LARP4B: variants seen among roughly 807,000 people sequenced by gnomAD.
LARP4B encodes La ribonucleoprotein 4B, also known as la-related protein 4B.
In LARP4B, 12 loss-of-function variants were observed where a neutral mutation model predicts 89.8. That is an observed-to-expected ratio of 0.13 (90% CI 0.09 to 0.22). The LOEUF (loss-of-function observed/expected upper bound fraction) is 0.22, where lower values mean the gene tolerates loss of function less well. Among genes scored for constraint, LARP4B ranks in the 10% least tolerant of loss-of-function variants. LARP4B has a pLI of 1.00. For synonymous variants in LARP4B, 367 were observed against 363.3 expected, an observed-to-expected ratio of 1.01 and a Z score of -0.12; for missense variants, 757 against 947.7, an observed-to-expected ratio of 0.80 and a Z score of 2.64.
intron 1 of LARP4B, among the ~76,000 whole-genome samples, chr10:907,097 T>C (rs1459914571): frequency 6.6e-6 from 1 of 152,194 alleles, no homozygotes; most frequent in Admixed American, 6.5e-5. Flanking sequence ...CCTGCAAACC[T>C]TTACACCCAG....
chr10:889,824 C>T (rs556034301), intron 1 of LARP4B, among the ~76,000 whole-genome samples: 1 of 152,236 alleles, frequency 6.6e-6, no homozygotes, highest in South Asian at 2.1e-4. Flanking sequence ...TGCCTGTAAT[C>T]CCAGCTACTC....
At chr10:876,569 A>G (rs1835461324) in intron 3 of LARP4B, among the ~76,000 whole-genome samples, 1 of 152,156 alleles carries the variant, frequency 6.6e-6, no homozygotes, top group Non-Finnish European at 1.5e-5. Flanking sequence ...TTGGCTCCCC[A>G]GGGCCTCAAG....
chr10:821,050 T>G, intron 13 of LARP4B: 1 of 571,992 alleles, frequency 1.7e-6, no homozygotes, highest in Non-Finnish European at 3.1e-6. Context: ...GGGACTAACG[T>G]GGAAGTCCAG....
rs2131593328 is a variant in LARP4B at position 814,467 on chromosome 10, G to A, written c.1929+275C>T. ...GATCCTAAAGTCTATGGAGAAACAG[G>A]AGCTGGGGTCTTGTTACTACTCAAG... is the stretch of plus-strand genomic sequence containing the variant. On this transcript the variant is annotated intron_variant, in intron 17 of 17. Transcript: ENST00000316157. The surrounding 1 kb of genome is among the most constrained non-coding windows in gnomAD (Gnocchi z 4.4). 1 of 520,686 alleles carries A rather than the reference G, an allele frequency of 1.9e-6. No individual in the cohort carries two copies. Among genetic ancestry groups the A allele is most frequent in the Admixed American group, 3.3e-5 (1 of 30,354 alleles). The allele number at this position is 520,686 out of a possible 1,614,324, so 32.3% of individuals were successfully genotyped here. A position where few individuals can be genotyped will look rare whatever the true frequency, so the allele number is the denominator to read the frequency against.
chr10:955,069 C>T, the LARP4B span, among the ~76,000 whole-genome samples: 1 of 139,772 alleles, frequency 7.2e-6, no homozygotes, highest in African/African-American at 2.7e-5. The surrounding 1 kb of genome is among the most constrained non-coding windows in gnomAD (Gnocchi z 5.2). Context: ...TTCCCCAGGA[C>T]AGCTCCCATC....
At chr10:873,486 G>T (rs1835326492) in intron 3 of LARP4B, 1 of 899,028 alleles carries the variant, frequency 1.1e-6, no homozygotes. Context: ...TCAGGCTTCT[G>T]GTTTTTCTAC....
Position 814,469 on chromosome 10 carries a change from G to T in LARP4B, c.1929+273C>A. 1.9e-6 allele frequency: 1 copy of T among 526,336 alleles called. No individual in the cohort carries two copies. Among genetic ancestry groups the T allele is most frequent in the Non-Finnish European group, 3.4e-6 (1 of 289,996 alleles). The allele number at this position is 526,336 out of a possible 1,614,324, so 32.6% of individuals were successfully genotyped here. On this transcript the variant is annotated intron_variant, in intron 17 of 17. Transcript: ENST00000316157. This position sits in a 1 kb window ranked among gnomAD's most constrained non-coding sequence, Gnocchi z 4.4. Reference sequence around the variant, plus strand: ...TCCTAAAGTCTATGGAGAAACAGGAGCTGGGGTCTTGTTACTACTCAAGAA... The same window carrying T: ...TCCTAAAGTCTATGGAGAAACAGGATCTGGGGTCTTGTTACTACTCAAGAA...
At chr10:831,498 C>G (rs917575765) in intron 8 of LARP4B, among the ~76,000 whole-genome samples, 5 of 152,246 alleles carry the variant, frequency 3.3e-5, no homozygotes, top group African/African-American at 9.6e-5. Flanking sequence ...GTGCCTGGGC[C>G]GCAGAGCCGG....
intron 1 of LARP4B, among the ~76,000 whole-genome samples, chr10:902,306 T>G (rs1191358495): frequency 6.6e-6 from 1 of 152,248 alleles, no homozygotes; most frequent in African/African-American, 2.4e-5. Context: ...AACATTGTTT[T>G]GCACAAGCCC....
chr10:853,797 C>G (rs1433798157), intron 5 of LARP4B, among the ~76,000 whole-genome samples: 5 of 152,192 alleles, frequency 3.3e-5, no homozygotes, highest in African/African-American at 1.2e-4. Flanking sequence ...GCTGACTGTT[C>G]AGGATGGTGG....
chr10:829,651 A>C, intron 10 of LARP4B, 30 bp downstream of exon 10: 1 of 1,611,144 alleles, frequency 6.2e-7, no homozygotes, highest in Non-Finnish European at 8.5e-7. Flanking sequence ...ATTTGCAAAT[A>C]AACAAAGTAT....
intron 3 of LARP4B, among the ~76,000 whole-genome samples, chr10:868,812 T>C (rs772906254): frequency 6.6e-6 from 1 of 152,248 alleles, no homozygotes; most frequent in Non-Finnish European, 1.5e-5. Context: ...TATTTCCATA[T>C]AGTAAGTGTT....
chr10:860,255 A>G (rs1401436331), intron 5 of LARP4B, among the ~76,000 whole-genome samples: 1 of 152,172 alleles, frequency 6.6e-6, no homozygotes. Flanking sequence ...CCTTAGGGAA[A>G]CATAAATTAA....
At chr10:986,077 T>G in the LARP4B span, 1 of 152,108 alleles carries the variant, frequency 6.6e-6, no homozygotes, top group African/African-American at 2.4e-5. Context: ...CTAATCCCCA[T>G]GTAAAGGCTC....
At chr10:912,464 A>T (rs964194658) in intron 1 of LARP4B, among the ~76,000 whole-genome samples, 4 of 152,154 alleles carry the variant, frequency 2.6e-5, no homozygotes, top group Non-Finnish European at 4.4e-5. Flanking sequence ...AAATTTAAGT[A>T]TTAGGCCCTA....
rs1422746950 is a variant in LARP4B, at chr10:821,484, T to C, written c.1485-639A>G. Among the ~76,000 whole-genome samples, 3 of 152,220 alleles carry C rather than the reference T, an allele frequency of 2.0e-5. No individual in the cohort carries two copies. In the East Asian group the frequency reaches 5.8e-4, roughly 29 times the overall value. On this transcript the variant is annotated intron_variant, in intron 13 of 17. Transcript: ENST00000316157. ...CAGTTGATAACCACAGGACAGACACTGATTAAGTGGTGACTTCACGTGGAG... is the reference window on the plus strand; with the variant it reads ...CAGTTGATAACCACAGGACAGACACCGATTAAGTGGTGACTTCACGTGGAG...
intron 3 of LARP4B, among the ~76,000 whole-genome samples, chr10:878,108 G>C (rs1479287102): frequency 6.6e-6 from 1 of 152,190 alleles, no homozygotes; most frequent in Non-Finnish European, 1.5e-5. Flanking sequence ...GAATGGTCAA[G>C]GGTCAAGAGC....
the LARP4B span, among the ~76,000 whole-genome samples, chr10:938,486 CTTGT>C: frequency 2.2e-4 from 34 of 152,110 alleles, no homozygotes; most frequent in Non-Finnish European, 3.7e-4. Flanking sequence ...ATCTCCTGCT[CTTGT>C]GATCCGCCCG....
intron 7 of LARP4B, among the ~76,000 whole-genome samples, chr10:840,725 C>T (rs1438856445): frequency 6.6e-6 from 1 of 152,208 alleles, no homozygotes; most frequent in Non-Finnish European, 1.5e-5. Flanking sequence ...CAACTTAACA[C>T]AAGAGCTGCA....
Sources: gnomAD v4.1 joint callset for allele counts (sites outside exome capture counted in the v4.1 genomes callset) on GRCh38, gnomAD v4.1.1 for gene constraint, Gnocchi (gnomAD v3.1) non-coding constraint, MANE v1.5 for transcripts, NCBI Gene and HGNC (gene_info 2026-07-23, HGNC 2026-07-21) for gene names.